Variants in HDAC4 observed in about 807,000 individuals in gnomAD.
HDAC4 encodes the protein histone deacetylase A.
A neutral mutation model predicts 135.1 loss-of-function variants in HDAC4; 16 were observed. That is an observed-to-expected ratio of 0.12 (90% CI 0.08 to 0.18). The LOEUF is 0.18. HDAC4 is among the 10% of genes least tolerant of loss of function. The pLI is 1.00. For missense variants in HDAC4, 1,143 were observed against 1,511.8 expected (o/e 0.76, Z 4.05); for synonymous variants, 685 against 653.4 (o/e 1.05, Z -0.74).
intron 2 of HDAC4, among the ~76,000 whole-genome samples, chr2:239,339,576 C>T (rs917931274): frequency 6.6e-6 from 1 of 152,208 alleles, no homozygotes; most frequent in Non-Finnish European, 1.5e-5. Flanking sequence ...TTCTTTTGTT[C>T]ATGAAGATAG....
At chr2:239,156,794 G>C in intron 6 of HDAC4, 21 bp from the exon 7 acceptor site, 5 of 1,614,078 alleles carry the variant, frequency 3.1e-6, no homozygotes, top group Non-Finnish European at 4.2e-6. Flanking sequence ...GGCAAAGACA[G>C]ATGGTTTAGT....
At chr2:239,282,686 TACAATGTACACACCACTCTGCAA>T (rs1292718006) in intron 2 of HDAC4, among the ~76,000 whole-genome samples, 4,195 of 144,698 alleles carry the variant, frequency 0.029, 230 homozygotes, top group African/African-American at 0.1. Flanking sequence ...CACACCACTC[TACAATGTACACACCACTCTGCAA>T]ACAATGTACA....
intron 3 of HDAC4, among the ~76,000 whole-genome samples, chr2:239,203,741 G>T (rs2045893790): frequency 6.6e-6 from 1 of 152,164 alleles, no homozygotes; most frequent in Admixed American, 6.5e-5. Flanking sequence ...CCCAGCCCTG[G>T]CTGGGGATTC....
At chr2:239,283,035 T>TACAAACAATGTACACACCACTCC (rs1330969486) in intron 2 of HDAC4, among the ~76,000 whole-genome samples, 3 of 152,254 alleles carry the variant, frequency 2.0e-5, no homozygotes, top group East Asian at 3.9e-4. Context: ...CACACCACTC[T>TACAAACAATGTACACACCACTCC]ACAAACAATG....
chr2:239,393,043 G>A (rs1235778674), intron 1 of HDAC4, among the ~76,000 whole-genome samples: 3 of 152,156 alleles, frequency 2.0e-5, no homozygotes, highest in Admixed American at 6.5e-5. Context: ...GGAAGCTCTC[G>A]CCAGCACTGC....
intron 1 of HDAC4, among the ~76,000 whole-genome samples, chr2:239,367,624 G>A (rs1051982844): frequency 6.6e-6 from 1 of 152,098 alleles, no homozygotes; most frequent in Non-Finnish European, 1.5e-5. Context: ...AAACTGTTTG[G>A]CGAACAAAAT....
intron 7 of HDAC4, among the ~76,000 whole-genome samples, chr2:239,152,405 G>T (rs2152937624): frequency 6.6e-6 from 1 of 152,354 alleles, no homozygotes; most frequent in East Asian, 1.9e-4. Flanking sequence ...GCACAGACAT[G>T]GGAAGGGACC....
chr2:239,314,947 T>C (rs951872430), intron 2 of HDAC4, among the ~76,000 whole-genome samples: 3 of 152,152 alleles, frequency 2.0e-5, no homozygotes, highest in Non-Finnish European at 4.4e-5. Flanking sequence ...CTCCTCCCTT[T>C]TGGAATTGCT....
rs1255645691 is a variant in HDAC4, at chr2:239,400,262, C to T, written c.-220+716G>A. Reference sequence around the variant, plus strand: ...CGACAAGCGCGGGGCCGCGGACCCCCGGCAGGGACGTTTTTCTGCAAACTC... The same window carrying T: ...CGACAAGCGCGGGGCCGCGGACCCCTGGCAGGGACGTTTTTCTGCAAACTC... On this transcript the variant is annotated intron_variant, in intron 1 of 26. Coordinates refer to ENST00000543185, the MANE Select transcript of HDAC4 (RefSeq NM_001378414.1). This position sits in a 1 kb window ranked among gnomAD's most constrained non-coding sequence, Gnocchi z 4.7. 6.6e-6 allele frequency: 1 copy of T among 151,360 alleles called. No homozygotes were observed. The highest frequency in any genetic ancestry group is 2.4e-5 in the African/African-American group (1 of 41,338). The allele number at this position is 151,360 out of a possible 1,614,324, so 9.4% of individuals were successfully genotyped here. A position where few individuals can be genotyped will look rare whatever the true frequency, so the allele number is the denominator to read the frequency against.
intron 22 of HDAC4, among the ~76,000 whole-genome samples, chr2:239,076,747 G>A (rs2034806617): frequency 6.6e-6 from 1 of 152,198 alleles, no homozygotes; most frequent in Admixed American, 6.5e-5. Flanking sequence ...CTACTAAGGG[G>A]CCTCCAGGTG....
intron 9 of HDAC4, among the ~76,000 whole-genome samples, chr2:239,136,825 G>C (rs1285173277): frequency 2.0e-5 from 3 of 152,170 alleles, no homozygotes; most frequent in African/African-American, 7.2e-5. Flanking sequence ...TGTTCCTACA[G>C]AACAGAAAGC....
intron 1 of HDAC4, among the ~76,000 whole-genome samples, chr2:239,397,496 C>T (rs1336578564): frequency 1.3e-5 from 2 of 152,166 alleles, no homozygotes; most frequent in Non-Finnish European, 2.9e-5. Flanking sequence ...TGCAGGACCC[C>T]GACCTTCCTT....
chr2:239,380,441 T>C (rs1346068690), intron 1 of HDAC4, among the ~76,000 whole-genome samples: 1 of 152,214 alleles, frequency 6.6e-6, no homozygotes, highest in Non-Finnish European at 1.5e-5. Flanking sequence ...TAAACATTTG[T>C]TTTTTCCCAT....
At chr2:239,119,837 G>A (rs1407615951) in intron 12 of HDAC4, among the ~76,000 whole-genome samples, 1 of 152,222 alleles carries the variant, frequency 6.6e-6, no homozygotes, top group African/African-American at 2.4e-5. Flanking sequence ...GCGAGGGCAG[G>A]GGAATGCCTG....
chr2:239,194,420 G>A (rs970513752), intron 3 of HDAC4, among the ~76,000 whole-genome samples: 1 of 152,176 alleles, frequency 6.6e-6, no homozygotes, highest in Non-Finnish European at 1.5e-5. Context: ...CATGCTGAGC[G>A]CCACGCTGCT....
chr2:239,318,947 G>C (rs2053210101), intron 2 of HDAC4, among the ~76,000 whole-genome samples: 1 of 152,130 alleles, frequency 6.6e-6, no homozygotes, highest in African/African-American at 2.4e-5. Flanking sequence ...ACGGATTCCT[G>C]CCAAGGAACG....
In HDAC4 at chr2:239,240,395, A is replaced by T. The variant is rs918753290; in HGVS notation, c.23-3731T>A. ...CAGATATCATATTCCAGAGTGAGTT[A>T]AAATGAAATTAGTGATGAGAGGTGG... is the stretch of plus-strand genomic sequence containing the variant. On this transcript the variant is annotated intron_variant, in intron 2 of 26. Coordinates refer to ENST00000543185, the MANE Select transcript of HDAC4 (RefSeq NM_001378414.1). The surrounding 1 kb of genome is among the most constrained non-coding windows in gnomAD (Gnocchi z 4.5). Among the ~76,000 whole-genome samples the T allele has an allele frequency of 2.5e-4, 38 of 152,272 alleles. No homozygotes were observed. The highest frequency in any genetic ancestry group is 9.2e-4 in the African/African-American group (38 of 41,470).
At chr2:239,084,019 C>T (rs897876723) in intron 20 of HDAC4, 136 bp downstream of exon 20, 23 of 716,386 alleles carry the variant, frequency 3.2e-5, no homozygotes, top group Non-Finnish European at 4.3e-5. Flanking sequence ...TTTACTTCTC[C>T]GCATCTTTGA....
At chr2:239,208,155 T>C (rs913370740) in intron 3 of HDAC4, among the ~76,000 whole-genome samples, 1 of 147,616 alleles carries the variant, frequency 6.8e-6, no homozygotes, top group African/African-American at 2.5e-5. Context: ...ACCCCGTCCC[T>C]ACTAAAAATA....
Sources: allele counts gnomAD v4.1 joint callset (sites outside exome capture counted in the v4.1 genomes callset), GRCh38; gene constraint gnomAD v4.1.1; non-coding constraint Gnocchi (gnomAD v3.1); transcripts MANE v1.5; gene names NCBI Gene and HGNC (gene_info 2026-07-23, HGNC 2026-07-21).